The following MPP7 variants were observed in gnomAD, a reference collection of about 807,000 sequenced individuals.
MPP7 encodes MAGUK p55 subfamily member 7.
Under a neutral mutation model 76.5 loss-of-function variants are expected in MPP7, and 60 were observed. The observed-to-expected ratio is 0.78, with a 90% confidence interval of 0.64 to 0.97. The LOEUF (loss-of-function observed/expected upper bound fraction) is 0.97. MPP7 is among the 50% of genes least tolerant of loss of function. The pLI is 0.00. For missense variants in MPP7, 641 were observed against 694.0 expected (o/e 0.92, Z 0.86); for synonymous variants, 237 against 244.5 (o/e 0.97, Z 0.29).
intron 3 of MPP7, among the ~76,000 whole-genome samples, chr10:28,152,626 TGAG>T (rs1390387311): frequency 6.6e-6 from 1 of 152,238 alleles, no homozygotes; most frequent in Non-Finnish European, 1.5e-5. Context: ...TGGCTTGACT[TGAG>T]GAACTGAATT....
upstream of MPP7, chr10:28,334,554 C>T (rs1162929515): frequency 1.3e-5 from 2 of 152,162 alleles, no homozygotes; most frequent in African/African-American, 2.4e-5. Context: ...AGTCAATGTG[C>T]TTGACGTTTA....
At chr10:28,200,038 C>T (rs943115077) in intron 3 of MPP7, among the ~76,000 whole-genome samples, 1 of 152,188 alleles carries the variant, frequency 6.6e-6, no homozygotes, top group Non-Finnish European at 1.5e-5. Flanking sequence ...TTTTGATTCA[C>T]TCTACCACAA....
chr10:28,135,796 A>G (rs1835336367), intron 5 of MPP7, among the ~76,000 whole-genome samples: 2 of 152,212 alleles, frequency 1.3e-5, no homozygotes, highest in African/African-American at 2.4e-5. Flanking sequence ...TGAAAGATCA[A>G]AATGTTTCCA....
chr10:28,334,145 G>A (rs1209754695), intron 1 of MPP7, among the ~76,000 whole-genome samples: 1 of 152,018 alleles, frequency 6.6e-6, no homozygotes. Flanking sequence ...AGGTTACAGT[G>A]AGCCAAGATC....
chr10:28,125,712 G>C (rs1468367247), intron 6 of MPP7, among the ~76,000 whole-genome samples: 2 of 152,108 alleles, frequency 1.3e-5, no homozygotes, highest in Non-Finnish European at 2.9e-5. Context: ...CAAATGATTA[G>C]AAGAAAGAGC....
chr10:28,053,821 A>C lies in MPP7; in HGVS notation c.*244T>G. The C allele has an allele frequency of 2.1e-6, 1 of 476,370 alleles. No homozygotes were observed. Among genetic ancestry groups the C allele is most frequent in the Non-Finnish European group, 3.7e-6 (1 of 272,712 alleles). 29.5% of individuals were successfully genotyped at this position (476,370 alleles called of 1,614,324 possible). A position where few individuals can be genotyped will look rare whatever the true frequency, so the allele number is the denominator to read the frequency against. On this transcript the variant is annotated 3_prime_UTR_variant, in exon 17 of 17. Coordinates refer to ENST00000683449, the MANE Select transcript of MPP7 (RefSeq NM_001318170.2). Reference sequence around the variant, plus strand: ...TCTTGGAGATAGAGCGGTATTGAAGACAACGAGAAGGTTTGAGGTTTTGCT... The same window carrying C: ...TCTTGGAGATAGAGCGGTATTGAAGCCAACGAGAAGGTTTGAGGTTTTGCT...
chr10:28,264,471 G>A (rs1181996815), intron 1 of MPP7, among the ~76,000 whole-genome samples: 3 of 152,062 alleles, frequency 2.0e-5, no homozygotes, highest in Non-Finnish European at 4.4e-5. Flanking sequence ...ACCCCACCAC[G>A]TGAGAAGGCT....
intron 11 of MPP7, among the ~76,000 whole-genome samples, chr10:28,098,880 G>C (rs1173839085): frequency 6.6e-6 from 1 of 151,956 alleles, no homozygotes; most frequent in Non-Finnish European, 1.5e-5. Flanking sequence ...GCAAGGAAGA[G>C]AGAGAACCAG....
chr10:28,196,568 C>T (rs1017162850), intron 3 of MPP7, among the ~76,000 whole-genome samples: 47 of 151,824 alleles, frequency 3.1e-4, no homozygotes, highest in African/African-American at 1.0e-3. Flanking sequence ...ACTAAAATTA[C>T]CTCTCATCTC....
upstream of MPP7, among the ~76,000 whole-genome samples, chr10:28,303,066 C>A (rs1431079364): frequency 6.6e-6 from 1 of 152,172 alleles, no homozygotes; most frequent in Non-Finnish European, 1.5e-5. Flanking sequence ...GTAACCAACA[C>A]GGCCCCCACC....
In MPP7 at chr10:28,069,815, C is replaced by T. The variant is rs1392380983; in HGVS notation, c.1161G>A (p.Lys387=). The T allele has an allele frequency of 6.2e-7, 1 of 1,613,864 alleles. No individual in the cohort carries two copies. Among genetic ancestry groups the T allele is most frequent in the Non-Finnish European group, 8.5e-7 (1 of 1,179,996 alleles). The change falls in exon 13 of 17, where the codon AAG becomes AAA. Residue 387 remains lysine (K), a synonymous_variant. Transcript: ENST00000683449. ...AGTGCTGGGTGTCACTGATCAGCAG[C>T]TTTCGTTTCAGTTCATTCAGCCCTA... The part of the protein sequence containing the change: ...VGVGLNELKR[K]LLISDTQHYG...
At chr10:28,166,892 T>C (rs1836483256) in intron 3 of MPP7, among the ~76,000 whole-genome samples, 1 of 152,182 alleles carries the variant, frequency 6.6e-6, no homozygotes, top group African/African-American at 2.4e-5. Context: ...TTTTGTTCCA[T>C]ATTCTATAGA....
intron 5 of MPP7, among the ~76,000 whole-genome samples, chr10:28,143,385 TTC>T (rs1462449114): frequency 6.6e-6 from 1 of 152,188 alleles, no homozygotes; most frequent in South Asian, 2.1e-4. Context: ...AAAAGAATAT[TTC>T]TGTTTCCTTT....
At chr10:28,102,155 T>C (rs1853855703) in intron 11 of MPP7, among the ~76,000 whole-genome samples, 1 of 152,174 alleles carries the variant, frequency 6.6e-6, no homozygotes, top group South Asian at 2.1e-4. Flanking sequence ...TACAATTTAA[T>C]TTATTTTTAA....
At chr10:28,088,566 G>A (rs979551288) in intron 12 of MPP7, among the ~76,000 whole-genome samples, 2 of 152,066 alleles carry the variant, frequency 1.3e-5, no homozygotes, top group Non-Finnish European at 2.9e-5. Flanking sequence ...ATAGCCTGTG[G>A]AACTGTGAGT....
At position 28,268,377 on chromosome 10, in the gene MPP7, T is replaced by C. The variant is rs1319021548; in HGVS notation, c.-131-29642A>G. Among the ~76,000 whole-genome samples the C allele has an allele frequency of 2.0e-5, 3 of 152,226 alleles. No individual in the cohort carries two copies. The South Asian group carries it at 6.2e-4, about 32-fold the overall frequency. On this transcript the variant is annotated intron_variant, in intron 1 of 16. Coordinates refer to ENST00000683449, the MANE Select transcript of MPP7 (RefSeq NM_001318170.2). Reference sequence around the variant, plus strand: ...GGCAAAGGTTACATCATAGAGTACGTTGTAAGCCACTTTAAATCTGAATTT... The same window carrying C: ...GGCAAAGGTTACATCATAGAGTACGCTGTAAGCCACTTTAAATCTGAATTT...
intron 2 of MPP7, among the ~76,000 whole-genome samples, chr10:28,316,435 T>TAAAAAAAAAAAAAAAA (rs549621404): frequency 5.4e-5 from 2 of 37,136 alleles, no homozygotes; most frequent in African/African-American, 1.7e-4. Context: ...ACTCTGTCTT[T>TAAAAAAAAAAAAAAAA]AAAAAAAAAA....
chr10:28,264,589 A>T (rs541792202), intron 1 of MPP7, among the ~76,000 whole-genome samples: 52 of 147,448 alleles, frequency 3.5e-4, no homozygotes, highest in African/African-American at 5.1e-4. Context: ...TTTTTTTTTT[A>T]AATAAAATAT....
In MPP7 at chr10:28,217,540, AAG is replaced by A. The variant is rs1275245431; in HGVS notation, c.38-15271_38-15270del. 3.3e-3 allele frequency among the ~76,000 whole-genome samples: 447 copies of A among 136,190 alleles called. 1 individual carries two copies. Among genetic ancestry groups the A allele is most frequent in the African/African-American group, 0.011 (419 of 36,520 alleles). The allele number at this position is 136,190 out of a possible 152,430, so 89.3% of individuals were successfully genotyped here. ...AGACTCTGTCTCAAAAAAAAAAAAA[AAG>A]AAAAGAAAAGAAAAGAAAAGAAAAA... On this transcript the variant is annotated intron_variant, in intron 2 of 16. Coordinates refer to ENST00000683449, the MANE Select transcript of MPP7 (RefSeq NM_001318170.2).
Sources: gnomAD v4.1 joint callset for allele counts (sites outside exome capture counted in the v4.1 genomes callset) on GRCh38, gnomAD v4.1.1 for gene constraint, MANE v1.5 for transcripts, NCBI Gene and HGNC (gene_info 2026-07-23, HGNC 2026-07-21) for gene names.